Variants in HIVEP3 observed in about 807,000 individuals in gnomAD.
HIVEP3 encodes HIVEP zinc finger 3, also known as transcription factor HIVEP3.
In HIVEP3, 49 loss-of-function variants were observed where a neutral mutation model predicts 152.8. The ratio of observed to expected loss-of-function variants is 0.32; its 90% confidence interval spans 0.26 to 0.41. The LOEUF (loss-of-function observed/expected upper bound fraction) is 0.41. HIVEP3 is among the 10% of genes least tolerant of loss of function. The pLI, the probability that HIVEP3 is intolerant of heterozygous loss-of-function variation, is 1.00. For missense variants in HIVEP3, 2,790 were observed against 3,103.3 expected, an observed-to-expected ratio of 0.90 and a Z score of 2.40; for synonymous variants, 1,269 against 1,289.0, an observed-to-expected ratio of 0.98 and a Z score of 0.33.
chr1:41,637,727 C>T (rs751018894), intron 2 of HIVEP3, among the ~76,000 whole-genome samples: 2 of 152,190 alleles, frequency 1.3e-5, no homozygotes, highest in Admixed American at 6.5e-5. Flanking sequence ...TTGAAACATG[C>T]GTTCTTGTTT....
intron 2 of HIVEP3, among the ~76,000 whole-genome samples, chr1:41,669,370 G>T (rs1464012947): frequency 3.3e-5 from 5 of 152,152 alleles, no homozygotes; most frequent in African/African-American, 1.2e-4. Context: ...TGGGAGGAGG[G>T]TGTGATGGTT....
chr1:41,757,369 G>A (rs187229588), intron 1 of HIVEP3, among the ~76,000 whole-genome samples: 2 of 151,822 alleles, frequency 1.3e-5, no homozygotes, highest in Admixed American at 6.6e-5. Flanking sequence ...CACCCGTCTC[G>A]GCCTCCCAAA....
intron 1 of HIVEP3, among the ~76,000 whole-genome samples, chr1:41,824,041 G>A (rs1642686394): frequency 6.6e-6 from 1 of 152,220 alleles, no homozygotes; most frequent in Admixed American, 6.5e-5. Context: ...GCACCATTGT[G>A]TAGGACTTTT....
At chr1:41,995,846 A>G (rs1266678879) in intron 1 of HIVEP3, among the ~76,000 whole-genome samples, 1 of 152,206 alleles carries the variant, frequency 6.6e-6, no homozygotes, top group African/African-American at 2.4e-5. Context: ...CCATCACAGC[A>G]TCAGTCCAAA....
chr1:41,741,373 G>A (rs1288790165), intron 1 of HIVEP3, among the ~76,000 whole-genome samples: 1 of 152,216 alleles, frequency 6.6e-6, no homozygotes, highest in Non-Finnish European at 1.5e-5. Context: ...CAGGGCCGGG[G>A]TCCCAAGCTG....
At chr1:41,610,535 A>G (rs1644882626) in intron 3 of HIVEP3, among the ~76,000 whole-genome samples, 2 of 152,194 alleles carry the variant, frequency 1.3e-5, no homozygotes, top group Non-Finnish European at 2.9e-5. Flanking sequence ...GGCATCTGGT[A>G]AGACAGGCCA....
chr1:41,796,142 G>T (rs997802372), intron 1 of HIVEP3, among the ~76,000 whole-genome samples: 4 of 152,128 alleles, frequency 2.6e-5, no homozygotes, highest in Non-Finnish European at 5.9e-5. Context: ...TGATATTTTT[G>T]ACTCTAATCC....
intron 2 of HIVEP3, among the ~76,000 whole-genome samples, chr1:41,691,674 G>C (rs1429252962): frequency 6.6e-6 from 1 of 152,192 alleles, no homozygotes; most frequent in Non-Finnish European, 1.5e-5. Context: ...AGAACTGTAA[G>C]AAATAGATTT....
chr1:41,581,833 G>A lies in HIVEP3; in HGVS notation c.2965C>T (p.Arg989Trp). 1.9e-6 allele frequency: 3 copies of A among 1,594,872 alleles called. No homozygotes were observed. The highest frequency in any genetic ancestry group is 2.3e-5 in the South Asian group (2 of 87,404). The change falls in exon 4 of 9, where the codon CGG becomes TGG. Residue 989 changes from arginine to tryptophan, a missense_variant. By Grantham distance (101) the Arg-to-Trp change is moderately radical. Coordinates refer to ENST00000372583, the MANE Select transcript of HIVEP3 (RefSeq NM_024503.5). This position sits in a 1 kb window ranked among gnomAD's most constrained non-coding sequence, Gnocchi z 4.5. ...PSHHPHAREM[R>W]RSASEQSPNV... ...GGGCTCTGCTCTGAGGCTGACCTCCGCATCTCTCGGGCATGTGGGTGGTGG... is the reference window on the plus strand; with the variant it reads ...GGGCTCTGCTCTGAGGCTGACCTCCACATCTCTCGGGCATGTGGGTGGTGG...
chr1:41,963,285 A>G (rs1157007866), intron 1 of HIVEP3, among the ~76,000 whole-genome samples: 1 of 152,176 alleles, frequency 6.6e-6, no homozygotes, highest in Non-Finnish European at 1.5e-5. Context: ...TGCTGGGATT[A>G]CGGGCGTGAG....
chr1:41,772,890 A>C (rs1321712105), intron 1 of HIVEP3, among the ~76,000 whole-genome samples: 1 of 152,198 alleles, frequency 6.6e-6, no homozygotes, highest in African/African-American at 2.4e-5. Context: ...GGGGTGACAG[A>C]GTGAGACTCT....
intron 1 of HIVEP3, among the ~76,000 whole-genome samples, chr1:41,755,477 A>G (rs1252315438): frequency 6.6e-6 from 1 of 152,206 alleles, no homozygotes; most frequent in Non-Finnish European, 1.5e-5. Context: ...AAAATTAAAA[A>G]CTGCTTCGCA....
chr1:41,763,625 G>A (rs779339019), intron 1 of HIVEP3, among the ~76,000 whole-genome samples: 9 of 152,170 alleles, frequency 5.9e-5, no homozygotes, highest in Admixed American at 3.3e-4. Flanking sequence ...ACATCCTTCT[G>A]CAAATTCCTA....
At chr1:41,545,008 C>T (rs1313137398) in intron 5 of HIVEP3, among the ~76,000 whole-genome samples, 2 of 109,328 alleles carry the variant, frequency 1.8e-5, no homozygotes, top group Non-Finnish European at 2.1e-5. Context: ...ACCATCACCA[C>T]CACCACCACT....
chr1:41,512,533 A>G (rs982943776), intron 8 of HIVEP3, among the ~76,000 whole-genome samples: 7 of 152,166 alleles, frequency 4.6e-5, no homozygotes, highest in South Asian at 2.1e-4. Context: ...GTTTATAGCA[A>G]TACAAGAACG....
intron 1 of HIVEP3, among the ~76,000 whole-genome samples, chr1:41,904,575 T>C (rs1204288457): frequency 6.6e-6 from 1 of 152,194 alleles, no homozygotes; most frequent in Admixed American, 6.5e-5. Flanking sequence ...GAGGCCGTGA[T>C]ATGGTACCAT....
At chr1:41,536,392 A>T (rs2149065954) in intron 5 of HIVEP3, among the ~76,000 whole-genome samples, 1 of 152,310 alleles carries the variant, frequency 6.6e-6, no homozygotes, top group Admixed American at 6.5e-5. Context: ...TATGAGTGTC[A>T]TAACATTGTA....
At chr1:42,014,845 T>A (rs1389697380) in intron 1 of HIVEP3, among the ~76,000 whole-genome samples, 10 of 152,224 alleles carry the variant, frequency 6.6e-5, no homozygotes, top group Admixed American at 3.9e-4. Context: ...TTTATTTGCA[T>A]CTCTTAGTTT....
intron 1 of HIVEP3, among the ~76,000 whole-genome samples, chr1:41,718,540 A>T (rs1340019965): frequency 6.6e-6 from 1 of 152,212 alleles, no homozygotes; most frequent in Non-Finnish European, 1.5e-5. Flanking sequence ...ACAGAGATTG[A>T]ACCCTGCTGG....
Sources: allele counts gnomAD v4.1 joint callset (sites outside exome capture counted in the v4.1 genomes callset), GRCh38; gene constraint gnomAD v4.1.1; non-coding constraint Gnocchi (gnomAD v3.1); transcripts MANE v1.5; gene names NCBI Gene and HGNC (gene_info 2026-07-23, HGNC 2026-07-21).